The following SLC44A1 variants were observed in gnomAD, a reference collection of about 807,000 sequenced individuals.
SLC44A1 encodes solute carrier family 44 member 1, also known as choline transporter-like protein 1.
Under a neutral mutation model 79.3 loss-of-function variants are expected in SLC44A1, and 26 were observed. That is an observed-to-expected ratio of 0.33 (90% CI 0.24 to 0.46). The LOEUF is 0.46. Ranked by LOEUF, SLC44A1 falls within the 20% of genes least tolerant of loss-of-function variation. The pLI is 1.00. For synonymous variants in SLC44A1, 263 were observed against 286.2 expected, an observed-to-expected ratio of 0.92 and a Z score of 0.82; for missense variants, 688 against 798.1, an observed-to-expected ratio of 0.86 and a Z score of 1.66.
At chr9:105,297,611 G>A (rs1255100149) in intron 1 of SLC44A1, among the ~76,000 whole-genome samples, 1 of 152,148 alleles carries the variant, frequency 6.6e-6, no homozygotes, top group Non-Finnish European at 1.5e-5. Flanking sequence ...TCGAGCTCCC[G>A]ACCTCAGGTG....
chr9:105,262,141 A>T (rs1211634262), intron 1 of SLC44A1, among the ~76,000 whole-genome samples: 1 of 152,154 alleles, frequency 6.6e-6, no homozygotes, highest in Non-Finnish European at 1.5e-5. Flanking sequence ...AACACTGATA[A>T]TTCCTTGCTA....
rs770302035 is a variant in SLC44A1, at chr9:105,383,287, G to A, written c.1797G>A (p.Leu599=). The A allele has an allele frequency of 2.5e-6, 4 of 1,613,854 alleles. No individual in the cohort carries two copies. In the Admixed American group the frequency reaches 5.0e-5, roughly 20 times the overall value. Residue 599 remains leucine (L), a synonymous_variant, in exon 14 of 16, where the codon TTG becomes TTA. Coordinates refer to ENST00000374720, the MANE Select transcript of SLC44A1 (RefSeq NM_080546.5). ...AAATGGTAGTGGATGTATTATTCTT[G>A]TGTTTTGCCATTGATACAAAATACA... ...IYEMVVDVLF[L]CFAIDTKYND...
chr9:105,300,062 T>G (rs887785089), intron 2 of SLC44A1: 5 of 361,294 alleles, frequency 1.4e-5, no homozygotes, highest in Non-Finnish European at 1.9e-5. Context: ...AAAACTGCTA[T>G]TTTTAAAGCG....
intron 15 of SLC44A1, among the ~76,000 whole-genome samples, chr9:105,410,775 A>G (rs1032343707): frequency 6.6e-6 from 1 of 152,110 alleles, no homozygotes; most frequent in Non-Finnish European, 1.5e-5. Flanking sequence ...ACCAAAAAGT[A>G]GAAATAACTA....
In SLC44A1 at chr9:105,389,509, C is replaced by A; in HGVS notation, c.*453C>A. ...ATCTTATTTTACTGATGCATAAGTC[C>A]TAGTGGGTCAAGACTAGGCATATGC... On this transcript the variant is annotated 3_prime_UTR_variant, in exon 16 of 16. Coordinates refer to ENST00000374720, the MANE Select transcript of SLC44A1 (RefSeq NM_080546.5). 9.5e-7 allele frequency: 1 copy of A among 1,052,242 alleles called. No homozygotes were observed. The highest frequency in any genetic ancestry group is 1.1e-6 in the Non-Finnish European group (1 of 873,392). 65.2% of individuals were successfully genotyped at this position (1,052,242 alleles called of 1,614,324 possible). A position where few individuals can be genotyped will look rare whatever the true frequency, so the allele number is the denominator to read the frequency against.
downstream of SLC44A1, among the ~76,000 whole-genome samples, chr9:105,398,128 C>T (rs1828910388): frequency 6.6e-6 from 1 of 152,104 alleles, no homozygotes; most frequent in Non-Finnish European, 1.5e-5. Context: ...AGCTGTGCCC[C>T]ATTTAAAGTT....
At chr9:105,307,553 A>G (rs1375953923) in intron 2 of SLC44A1, among the ~76,000 whole-genome samples, 1 of 151,788 alleles carries the variant, frequency 6.6e-6, no homozygotes, top group Non-Finnish European at 1.5e-5. Flanking sequence ...CTGATGCAGG[A>G]GAATCGCTTG....
In SLC44A1 at chr9:105,393,313, C is replaced by T; in HGVS notation, c.*4257C>T. 2.0e-6 allele frequency: 2 copies of T among 985,360 alleles called. No individual in the cohort carries two copies. Among genetic ancestry groups the T allele is most frequent in the Non-Finnish European group, 2.4e-6 (2 of 829,920 alleles). The allele number at this position is 985,360 out of a possible 1,614,324, so 61.0% of individuals were successfully genotyped here. Reference sequence around the variant, plus strand: ...CTTGGAATTAACTCATCTTTGTTAACTTAGTGGCACATAGTCCAAATTTTT... The same window carrying T: ...CTTGGAATTAACTCATCTTTGTTAATTTAGTGGCACATAGTCCAAATTTTT... On this transcript the variant is annotated 3_prime_UTR_variant, in exon 16 of 16. Coordinates refer to ENST00000374720, the MANE Select transcript of SLC44A1 (RefSeq NM_080546.5).
At chr9:105,350,659 C>T (rs528196960) in intron 5 of SLC44A1, among the ~76,000 whole-genome samples, 1 of 152,236 alleles carries the variant, frequency 6.6e-6, no homozygotes, top group African/African-American at 2.4e-5. Flanking sequence ...TGTTTGTCAC[C>T]TTGAGCAAGT....
At position 105,351,530 on chromosome 9, in the gene SLC44A1, CTGAAAGAAAGAAAGAAAGAAAGAAA is replaced by C. The variant is rs1173512376; in HGVS notation, c.500+3080_500+3104del. On this transcript the variant is annotated intron_variant, in intron 5 of 15. Coordinates refer to ENST00000374720, the MANE Select transcript of SLC44A1 (RefSeq NM_080546.5). ...CCTGGGCAACAGAGCAAGACCCTGTCTGAAAGAAAGAAAGAAAGAAAGAAAGAGAGAAAGAGAGAAAGAGAGAAAG... is the reference window on the plus strand; with the variant it reads ...CCTGGGCAACAGAGCAAGACCCTGTCGAGAGAAAGAGAGAAAGAGAGAAAG... Among the ~76,000 whole-genome samples, 191 of 63,770 alleles carry C rather than the reference CTGAAAGAAAGAAAGAAAGAAAGAAA, an allele frequency of 3.0e-3. 3 individuals are homozygous for C. Among genetic ancestry groups the C allele is most frequent in the Middle Eastern group, 0.026 (3 of 114 alleles). The allele number at this position is 63,770 out of a possible 152,430, so 41.8% of individuals were successfully genotyped here. A position where few individuals can be genotyped will look rare whatever the true frequency, so the allele number is the denominator to read the frequency against.
intron 3 of SLC44A1, among the ~76,000 whole-genome samples, chr9:105,321,948 A>T (rs1826407308): frequency 6.6e-6 from 1 of 152,210 alleles, no homozygotes; most frequent in Non-Finnish European, 1.5e-5. Context: ...ATGTGCATTG[A>T]ACTTGATTGA....
intron 1 of SLC44A1, chr9:105,294,630 G>C (rs1830676995): frequency 6.6e-6 from 1 of 152,030 alleles, no homozygotes; most frequent in Admixed American, 6.6e-5. Flanking sequence ...AAGGGTTTGA[G>C]TATAATAGGT....
intron 15 of SLC44A1, among the ~76,000 whole-genome samples, chr9:105,433,733 C>T (rs1380810444): frequency 6.6e-6 from 1 of 151,902 alleles, no homozygotes; most frequent in African/African-American, 2.4e-5. Context: ...GGGAATCTGA[C>T]CAGCCCAAAG....
At position 105,418,871 on chromosome 9, in the gene SLC44A1, A is replaced by G. The variant is rs565706749; in HGVS notation, c.1951-19410A>G. On this transcript the variant is annotated intron_variant, in intron 15 of 15. Transcript: ENST00000374724. ...TGCTCATTGGCCAAGTCAACAGCCT[A>G]AAGGACCTTACTCTCAAAAATTTAG... Among the ~76,000 whole-genome samples, 5 of 152,300 alleles carry G rather than the reference A, an allele frequency of 3.3e-5. No individual in the cohort carries two copies. The South Asian group carries it at 8.3e-4, about 25-fold the overall frequency.
intron 15 of SLC44A1, among the ~76,000 whole-genome samples, chr9:105,436,099 G>A (rs1027894151): frequency 2.0e-5 from 3 of 152,230 alleles, no homozygotes; most frequent in Non-Finnish European, 4.4e-5. Context: ...CCAGGAGGCT[G>A]AGGCAGAAGA....
At chr9:105,350,480 G>C (rs933264210) in intron 5 of SLC44A1, among the ~76,000 whole-genome samples, 1 of 151,984 alleles carries the variant, frequency 6.6e-6, no homozygotes, top group Non-Finnish European at 1.5e-5. Context: ...TATGTTTTTG[G>C]TGACTTTTTT....
chr9:105,333,801 C>G (rs912690374), intron 3 of SLC44A1, among the ~76,000 whole-genome samples: 3 of 150,340 alleles, frequency 2.0e-5, no homozygotes, highest in African/African-American at 7.4e-5. Flanking sequence ...CAGGGCAGAA[C>G]TCCATCTCAA....
intron 1 of SLC44A1, among the ~76,000 whole-genome samples, chr9:105,265,072 A>C (rs1193743916): frequency 1.3e-5 from 2 of 152,214 alleles, no homozygotes; most frequent in Non-Finnish European, 1.5e-5. Context: ...CTGGGATTAC[A>C]GGTGTGAGCC....
chr9:105,315,512 C>A (rs1037769491), intron 3 of SLC44A1, among the ~76,000 whole-genome samples: 17 of 152,138 alleles, frequency 1.1e-4, no homozygotes, highest in African/African-American at 1.2e-4. Flanking sequence ...TCAGTCTACC[C>A]CGTGATCACA....
Sources: gnomAD v4.1 joint callset for allele counts (sites outside exome capture counted in the v4.1 genomes callset) on GRCh38, gnomAD v4.1.1 for gene constraint, MANE v1.5 for transcripts, NCBI Gene and HGNC (gene_info 2026-07-23, HGNC 2026-07-21) for gene names.